Variants in ASH1L observed in about 807,000 individuals in gnomAD.
ASH1L encodes the protein ASH1 like histone lysine methyltransferase.
Under a neutral mutation model 269.0 loss-of-function variants are expected in ASH1L, and 23 were observed. The observed-to-expected ratio is 0.09, with a 90% confidence interval of 0.06 to 0.12. ASH1L has a LOEUF of 0.12. ASH1L is among the 10% of genes least tolerant of loss of function. ASH1L has a pLI of 1.00. For missense variants in ASH1L, 2,912 were observed against 3,567.8 expected (o/e 0.82, Z 4.68); for synonymous variants, 1,187 against 1,253.5 (o/e 0.95, Z 1.12).
chr1:155,504,751 G>A (rs972307939), intron 2 of ASH1L, among the ~76,000 whole-genome samples: 1 of 151,846 alleles, frequency 6.6e-6, no homozygotes, highest in African/African-American at 2.4e-5. Flanking sequence ...CTACTCGGGA[G>A]GCTGAGGCAG....
chr1:155,521,536 T>C lies in ASH1L; in HGVS notation c.-17A>G, dbSNP rs769756161. On this transcript the variant is annotated 5_prime_UTR_variant, in exon 2 of 28. Coordinates refer to ENST00000392403, the MANE Select transcript of ASH1L (RefSeq NM_018489.3). ...AGGGTCCATCACAAGCGTATGTTAT[T>C]GCCAAGGAATCTTATGAAAATTTTA... The C allele has an allele frequency of 6.3e-5, 99 of 1,576,660 alleles. 1 individual carries two copies. In the South Asian group the frequency reaches 1.1e-3, roughly 18 times the overall value.
At chr1:155,487,467 A>C (rs1220779587) in intron 2 of ASH1L, among the ~76,000 whole-genome samples, 13 of 152,106 alleles carry the variant, frequency 8.5e-5, no homozygotes, top group African/African-American at 2.7e-4. Flanking sequence ...TTCTAAGCTT[A>C]AGTGATCCTC....
intron 1 of ASH1L, among the ~76,000 whole-genome samples, chr1:155,532,591 G>C (rs1173638105): frequency 6.6e-6 from 1 of 152,006 alleles, no homozygotes; most frequent in African/African-American, 2.4e-5. Context: ...GGGAGGCTGA[G>C]GCGAGTGGAT....
chr1:155,512,053 C>T (rs1668194121), intron 2 of ASH1L, among the ~76,000 whole-genome samples: 1 of 152,086 alleles, frequency 6.6e-6, no homozygotes, highest in Non-Finnish European at 1.5e-5. Context: ...CTCAGGTGAT[C>T]CACCCGCCTG....
intron 25 of ASH1L, 59 bp from the exon 26 acceptor site, chr1:155,339,427 C>T (rs948669439): frequency 5.9e-6 from 9 of 1,529,758 alleles, no homozygotes; most frequent in Non-Finnish European, 7.2e-6. Context: ...GCTAGCTCTT[C>T]TCTGGGGCCA....
chr1:155,530,350 C>T (rs1669582728), intron 1 of ASH1L, among the ~76,000 whole-genome samples: 1 of 152,176 alleles, frequency 6.6e-6, no homozygotes, highest in African/African-American at 2.4e-5. Flanking sequence ...AGAACACTAG[C>T]TGGCATATAG....
At chr1:155,344,029 A>G (rs1272769957) in intron 22 of ASH1L, among the ~76,000 whole-genome samples, 154 bp downstream of exon 22, 6 of 152,192 alleles carry the variant, frequency 3.9e-5, no homozygotes, top group African/African-American at 1.2e-4. Context: ...TGGAGAGGTG[A>G]TGCATGTAAG....
intron 2 of ASH1L, among the ~76,000 whole-genome samples, chr1:155,483,021 T>C (rs1216523046): frequency 6.6e-6 from 1 of 152,112 alleles, no homozygotes; most frequent in Non-Finnish European, 1.5e-5. Flanking sequence ...TAAAAATTCA[T>C]ATTTTCATCA....
At chr1:155,439,835 A>G (rs1452890109) in intron 4 of ASH1L, among the ~76,000 whole-genome samples, 2 of 151,770 alleles carry the variant, frequency 1.3e-5, no homozygotes, top group Non-Finnish European at 2.9e-5. Context: ...TAACTATACT[A>G]GATATTCCTT....
chr1:155,348,355 T>A (rs956472356), intron 19 of ASH1L, among the ~76,000 whole-genome samples: 3 of 152,142 alleles, frequency 2.0e-5, no homozygotes, highest in Non-Finnish European at 4.4e-5. Context: ...CCCGCTTGTC[T>A]ATTTTTCTTT....
chr1:155,500,076 G>T (rs1015296526), intron 2 of ASH1L, among the ~76,000 whole-genome samples: 1 of 152,176 alleles, frequency 6.6e-6, no homozygotes, highest in Non-Finnish European at 1.5e-5. Context: ...AATCTTCCTG[G>T]CACATTTATA....
At chr1:155,552,671 C>T (rs1571145093) in intron 1 of ASH1L, among the ~76,000 whole-genome samples, 1 of 151,678 alleles carries the variant, frequency 6.6e-6, no homozygotes, top group South Asian at 2.1e-4. Context: ...AACACGAAAA[C>T]CTAGGCTAAA....
intron 1 of ASH1L, among the ~76,000 whole-genome samples, chr1:155,557,717 G>A (rs1383039182): frequency 6.6e-6 from 1 of 152,074 alleles, no homozygotes; most frequent in Non-Finnish European, 1.5e-5. Context: ...CAAGCAATAA[G>A]AAAATCTAGC....
intron 6 of ASH1L, among the ~76,000 whole-genome samples, chr1:155,402,144 T>TCAAA (rs34981891): frequency 0.024 from 3,583 of 151,408 alleles, 116 homozygotes; most frequent in African/African-American, 0.075. Flanking sequence ...AGACTCCGTC[T>TCAAA]CAAACAAACA....
At chr1:155,448,470 G>A (rs1473024281) in intron 4 of ASH1L, among the ~76,000 whole-genome samples, 1 of 152,064 alleles carries the variant, frequency 6.6e-6, no homozygotes, top group Non-Finnish European at 1.5e-5. Flanking sequence ...AAGACTTCAG[G>A]CACAGGGGTG....
At chr1:155,473,311 T>C (rs1665250475) in intron 3 of ASH1L, among the ~76,000 whole-genome samples, 1 of 152,124 alleles carries the variant, frequency 6.6e-6, no homozygotes, top group South Asian at 2.1e-4. Context: ...TCAATGTTTG[T>C]ACAAAAGAAA....
chr1:155,353,626 T>A (rs1436698459), intron 16 of ASH1L, among the ~76,000 whole-genome samples: 3 of 152,182 alleles, frequency 2.0e-5, no homozygotes, highest in African/African-American at 7.2e-5. Flanking sequence ...AGTGCTGTTA[T>A]TGAAGGTTAC....
In ASH1L at chr1:155,482,248, C is replaced by T. The variant is rs1216871119; in HGVS notation, c.622G>A (p.Ala208Thr). 1.2e-5 allele frequency: 20 copies of T among 1,614,022 alleles called. No homozygotes were observed. The highest frequency in any genetic ancestry group is 1.7e-5 in the Non-Finnish European group (20 of 1,180,022). ...GSRDPDLKDR[A>T]LLNGGTSVTE... ...ACACTAGTTCCTCCATTAAGTAATG[C>T]TCTGTCCTTTAAATCAGGATCCCGG... Residue 208 changes from alanine (A) to threonine (T), a missense_variant, in exon 3 of 28, where the codon GCA becomes ACA. This residue lies in a region of ASH1L where 277 missense variants were observed against 367.7 expected (regional missense o/e 0.75). Transcript: ENST00000392403.
chr1:155,538,921 A>G (rs1670240597), intron 1 of ASH1L, among the ~76,000 whole-genome samples: 1 of 151,898 alleles, frequency 6.6e-6, no homozygotes. Flanking sequence ...TCCTCCTCCA[A>G]TCTTTCCCAT....
Sources: allele counts gnomAD v4.1 joint callset (sites outside exome capture counted in the v4.1 genomes callset), GRCh38; gene constraint gnomAD v4.1.1; regional missense constraint gnomAD v4.1.1; transcripts MANE v1.5; gene names NCBI Gene and HGNC (gene_info 2026-07-23, HGNC 2026-07-21).